Variants in QTMAN observed in about 807,000 individuals in gnomAD.
QTMAN encodes the protein tRNA-queuosine alpha-mannosyltransferase.
At chr2:144,208,278 G>C in the QTMAN span, among the ~76,000 whole-genome samples, 2 of 152,138 alleles carry the variant, frequency 1.3e-5, no homozygotes, top group African/African-American at 4.8e-5. Flanking sequence ...GTACAGAGCA[G>C]ATACAATGAA....
At chr2:143,997,283 C>T in the QTMAN span, among the ~76,000 whole-genome samples, 7 of 151,988 alleles carry the variant, frequency 4.6e-5, no homozygotes, top group African/African-American at 1.4e-4. Flanking sequence ...AAACTTTCAA[C>T]GAATGTATCT....
At chr2:144,264,206 T>C in the QTMAN span, among the ~76,000 whole-genome samples, 92 of 152,118 alleles carry the variant, frequency 6.0e-4, no homozygotes, top group Non-Finnish European at 8.5e-4. Context: ...TGAGAGCCAA[T>C]ATCACATATT....
At chr2:143,952,127 T>C in the QTMAN span, 3 of 955,988 alleles carry the variant, frequency 3.1e-6, no homozygotes, top group Non-Finnish European at 5.1e-6. Context: ...AAGCACACAC[T>C]CGATATTAGT....
chr2:144,296,170 T>C, the QTMAN span, among the ~76,000 whole-genome samples: 1 of 152,150 alleles, frequency 6.6e-6, no homozygotes, highest in African/African-American at 2.4e-5. Flanking sequence ...TTTCCACATG[T>C]ATGTCTGAAG....
chr2:144,222,512 T>C, the QTMAN span, among the ~76,000 whole-genome samples: 16 of 151,730 alleles, frequency 1.1e-4, no homozygotes, highest in Admixed American at 5.9e-4. Flanking sequence ...TGTCTTGTAT[T>C]AAGAAAGCTG....
the QTMAN span, among the ~76,000 whole-genome samples, chr2:144,241,404 A>C: frequency 6.6e-6 from 1 of 152,154 alleles, no homozygotes; most frequent in Non-Finnish European, 1.5e-5. Context: ...GTTAGCTACC[A>C]TTTCTTTAAC....
At chr2:144,274,685 T>C in the QTMAN span, among the ~76,000 whole-genome samples, 1 of 152,224 alleles carries the variant, frequency 6.6e-6, no homozygotes, top group Middle Eastern at 3.2e-3. Context: ...ACTTGTCCTA[T>C]GCATCTCTTT....
At chr2:144,217,416 T>C in the QTMAN span, among the ~76,000 whole-genome samples, 2 of 151,962 alleles carry the variant, frequency 1.3e-5, no homozygotes, top group African/African-American at 4.8e-5. Context: ...TAAAAATGTT[T>C]AATAATTATT....
chr2:144,297,960 T>C, the QTMAN span, among the ~76,000 whole-genome samples: 7 of 152,158 alleles, frequency 4.6e-5, no homozygotes. Context: ...TATACATTAT[T>C]ATACCAATGG....
At chr2:143,974,435 G>A in the QTMAN span, among the ~76,000 whole-genome samples, 125 of 152,250 alleles carry the variant, frequency 8.2e-4, no homozygotes, top group African/African-American at 2.9e-3. Context: ...ATCTGTAAAT[G>A]ACCTAATGGA....
the QTMAN span, among the ~76,000 whole-genome samples, chr2:144,196,706 T>C: frequency 3.3e-5 from 5 of 152,216 alleles, no homozygotes; most frequent in Non-Finnish European, 2.9e-5. Flanking sequence ...TAGCACGTAA[T>C]GAGTGTTCAT....
chr2:144,265,181 C>T, the QTMAN span, among the ~76,000 whole-genome samples: 2 of 152,182 alleles, frequency 1.3e-5, no homozygotes, highest in Non-Finnish European at 2.9e-5. Flanking sequence ...GACAGACCCA[C>T]TCCCAGTGGG....
chr2:144,309,611 G>A, the QTMAN span, among the ~76,000 whole-genome samples: 1 of 152,298 alleles, frequency 6.6e-6, no homozygotes, highest in East Asian at 1.9e-4. Context: ...TGAGGGAGGA[G>A]TGACTACAAA....
chr2:144,255,999 AAAAT>A, the QTMAN span, among the ~76,000 whole-genome samples: 2 of 152,218 alleles, frequency 1.3e-5, no homozygotes, highest in African/African-American at 4.8e-5. Flanking sequence ...CAGTTCTTAA[AAAAT>A]AAAGTCTATT....
the QTMAN span, among the ~76,000 whole-genome samples, chr2:144,242,439 C>G: frequency 6.6e-6 from 1 of 152,160 alleles, no homozygotes; most frequent in Non-Finnish European, 1.5e-5. Flanking sequence ...ATCCAACCAA[C>G]ACTGACTGAT....
the QTMAN span, among the ~76,000 whole-genome samples, chr2:144,083,904 G>A: frequency 6.6e-6 from 1 of 152,252 alleles, no homozygotes; most frequent in Non-Finnish European, 1.5e-5. Context: ...AAACTCATAA[G>A]CATATTTTTC....
At chr2:144,104,754 GAGT>G in the QTMAN span, among the ~76,000 whole-genome samples, 1 of 152,228 alleles carries the variant, frequency 6.6e-6, no homozygotes, top group African/African-American at 2.4e-5. Context: ...GCTTTGAAGA[GAGT>G]AGTGGTTCTC....
At chr2:144,126,187 C>A in the QTMAN span, among the ~76,000 whole-genome samples, 1 of 151,876 alleles carries the variant, frequency 6.6e-6, no homozygotes, top group Non-Finnish European at 1.5e-5. Context: ...AGAGAGGCTA[C>A]TGAAGGTATG....
chr2:144,042,570 A>G, the QTMAN span, among the ~76,000 whole-genome samples: 6 of 151,902 alleles, frequency 3.9e-5, no homozygotes, highest in African/African-American at 1.5e-4. Context: ...CCTGGCTAAC[A>G]CCATGAAACC....
Sources: gnomAD v4.1 joint callset for allele counts (sites outside exome capture counted in the v4.1 genomes callset) on GRCh38, gnomAD v4.1.1 for gene constraint, MANE v1.5 for transcripts, NCBI Gene and HGNC (gene_info 2026-07-23, HGNC 2026-07-21) for gene names.